Variants in SPART observed in about 807,000 individuals in gnomAD.
SPART encodes spartin, also known as spastic paraplegia 20 (Troyer syndrome).
Under a neutral mutation model 58.7 loss-of-function variants are expected in SPART, and 35 were observed. The observed-to-expected ratio is 0.60, with a 90% CI of 0.46 to 0.79. SPART has a LOEUF of 0.79. SPART is among the 30% of genes least tolerant of loss of function. The pLI is 0.00. For missense variants in SPART, 730 were observed against 786.1 expected, an observed-to-expected ratio of 0.93 and a Z score of 0.85; for synonymous variants, 284 against 280.7, an observed-to-expected ratio of 1.01 and a Z score of -0.12.
chr13:36,345,606 T>A (rs1885024216), intron 1 of SPART: 1 of 152,206 alleles, frequency 6.6e-6, no homozygotes, highest in African/African-American at 2.4e-5. Flanking sequence ...AGTCACGCAA[T>A]AATGCTGCGT....
At position 36,335,891 on chromosome 13, in the gene SPART, T is replaced by A. The variant is rs1242152816; in HGVS notation, c.-2-59A>T. 2.3e-6 allele frequency: 3 copies of A among 1,302,572 alleles called. No homozygotes were observed. The African/African-American group carries it at 4.3e-5, about 19-fold the overall frequency. 80.7% of individuals were successfully genotyped at this position (1,302,572 alleles called of 1,614,324 possible). On this transcript the variant is annotated intron_variant, in intron 1 of 8. Transcript: ENST00000438666. Reference sequence around the variant, plus strand: ...TTAGCTATTGTTTACTTATGATTCGTATCTCCTACCTGAATATATTTTAAG... The same window carrying A: ...TTAGCTATTGTTTACTTATGATTCGAATCTCCTACCTGAATATATTTTAAG...
chr13:36,304,479 C>G lies in SPART; in HGVS notation c.1887G>C (p.Gln629His), dbSNP rs148027828. The part of the protein sequence containing the change: ...QTGHTLLEDY[Q>H]IVDNSQRENQ... The stretch of plus-strand genomic sequence containing the variant: ...TTTCCCTCTGAGAATTATCAACTAT[C>G]TGATAGTCCTCAAGGAGAGTGTGTC... Residue 629 changes from glutamine (Q) to histidine (H), a missense_variant, in exon 9 of 9, where the codon CAG (glutamine) becomes CAC (histidine). Physicochemically the swap from Gln to His is conservative, Grantham distance 24. Transcript: ENST00000438666. 6 of 1,614,022 alleles carry G rather than the reference C, an allele frequency of 3.7e-6. No individual in the cohort carries two copies. The highest frequency in any genetic ancestry group is 5.1e-6 in the Non-Finnish European group (6 of 1,180,022).
At chr13:36,354,035 T>G (rs1386191280) in intron 1 of SPART, among the ~76,000 whole-genome samples, 4 of 152,230 alleles carry the variant, frequency 2.6e-5, no homozygotes, top group African/African-American at 9.6e-5. Context: ...TAGATGACAC[T>G]GGGTTAGATC....
intron 6 of SPART, 122 bp downstream of exon 6, chr13:36,314,105 G>A (rs1466713006): frequency 1.0e-6 from 1 of 1,001,910 alleles, no homozygotes; most frequent in Non-Finnish European, 1.5e-6. Flanking sequence ...AAGAGAAACT[G>A]CTTTGTCCTA....
chr13:36,305,791 T>C (rs1181409344), intron 8 of SPART, among the ~76,000 whole-genome samples: 2 of 151,934 alleles, frequency 1.3e-5, no homozygotes, highest in Non-Finnish European at 2.9e-5. Flanking sequence ...TCCACAGATT[T>C]CCCCCAAATA....
At chr13:36,355,980 G>C (rs1429332105) in intron 1 of SPART, among the ~76,000 whole-genome samples, 1 of 152,176 alleles carries the variant, frequency 6.6e-6, no homozygotes, top group Non-Finnish European at 1.5e-5. Context: ...AAATCCTTTG[G>C]GAAGGCCTGA....
At chr13:36,353,412 T>C (rs1411164668) in intron 1 of SPART, among the ~76,000 whole-genome samples, 3 of 152,182 alleles carry the variant, frequency 2.0e-5, no homozygotes, top group Admixed American at 6.5e-5. Flanking sequence ...CAAATGTCAA[T>C]GCCCTCCAGC....
At position 36,335,530 on chromosome 13, in the gene SPART, T is replaced by A; in HGVS notation, c.301A>T (p.Thr101Ser). 6.2e-7 allele frequency: 1 copy of A among 1,614,162 alleles called. No homozygotes were observed. Among genetic ancestry groups the A allele is most frequent in the Non-Finnish European group, 8.5e-7 (1 of 1,180,018 alleles). The change falls in exon 2 of 9, where the codon ACT becomes TCT. Residue 101 changes from threonine (T) to serine (S), a missense_variant. Coordinates refer to ENST00000438666, the MANE Select transcript of SPART (RefSeq NM_015087.5). ...RLEILEKGLA[T>S]SLQNDLQEVP... ...TCCTGAAGATCATTCTGCAGAGAAG[T>A]GGCAAGACCCTTCTCTAGAATTTCC...
chr13:36,335,846 G>A lies in SPART; in HGVS notation c.-2-14C>T, dbSNP rs527989991. 3 of 1,593,960 alleles carry A rather than the reference G, an allele frequency of 1.9e-6. No homozygotes were observed. The highest frequency in any genetic ancestry group is 2.2e-5 in the East Asian group (1 of 44,786). ...CTTGCTCCATTTCTGCAAAATTGGAGACATATTTAATTATCTTGCTTAGCT... is the reference window on the plus strand; with the variant it reads ...CTTGCTCCATTTCTGCAAAATTGGAAACATATTTAATTATCTTGCTTAGCT... On this transcript the variant is annotated splice_polypyrimidine_tract_variant and intron_variant, in intron 1 of 8. Transcript: ENST00000438666.
intron 8 of SPART, among the ~76,000 whole-genome samples, chr13:36,307,536 T>C (rs1046231433): frequency 1.3e-5 from 2 of 152,064 alleles, no homozygotes; most frequent in African/African-American, 4.8e-5. Context: ...CACAAATATA[T>C]ATTCAAAGAA....
chr13:36,346,794 T>G (rs932879844), upstream of SPART: 1 of 152,356 alleles, frequency 6.6e-6, no homozygotes, highest in Non-Finnish European at 1.5e-5. Context: ...AACCGAGGCC[T>G]CCGGAGAGCC....
chr13:36,312,556 T>G, intron 6 of SPART, 79 bp from the exon 7 acceptor site: 1 of 1,364,836 alleles, frequency 7.3e-7, no homozygotes, highest in Non-Finnish European at 1.0e-6. Flanking sequence ...TGCAACATTC[T>G]TAAATGAACA....
intron 5 of SPART, 39 bp from the exon 6 acceptor site, chr13:36,314,460 C>T (rs745328461): frequency 7.0e-6 from 11 of 1,574,832 alleles, no homozygotes; most frequent in South Asian, 3.3e-5. Context: ...AATATTAGGG[C>T]TAATTATGCT....
At chr13:36,358,987 C>G (rs1032295103) in intron 1 of SPART, among the ~76,000 whole-genome samples, 44 of 152,200 alleles carry the variant, frequency 2.9e-4, no homozygotes, top group African/African-American at 1.0e-3. Flanking sequence ...TTTTATTCAT[C>G]ATTCTATCTC....
intron 6 of SPART, chr13:36,313,973 G>T: frequency 1.9e-6 from 1 of 522,934 alleles, no homozygotes; most frequent in Non-Finnish European, 3.4e-6. Flanking sequence ...ATCACCTAGG[G>T]ATCTTGTGAA....
chr13:36,367,049 G>A (rs932299411), intron 1 of SPART, among the ~76,000 whole-genome samples: 1 of 152,070 alleles, frequency 6.6e-6, no homozygotes, highest in African/African-American at 2.4e-5. Flanking sequence ...GGAAAGATTC[G>A]CCGCCCAAAA....
At chr13:36,341,232 A>G (rs9547364) in intron 1 of SPART, among the ~76,000 whole-genome samples, 52,976 of 152,140 alleles carry the variant, frequency 0.35, 9,873 homozygotes, top group Non-Finnish European at 0.43. Flanking sequence ...CTATTAAAAA[A>G]GTAAATGGAA....
chr13:36,359,742 A>G (rs1276253342), intron 1 of SPART, among the ~76,000 whole-genome samples: 1 of 152,086 alleles, frequency 6.6e-6, no homozygotes, highest in Non-Finnish European at 1.5e-5. Flanking sequence ...TCAGAGTCCA[A>G]ATTCTGGATC....
Position 36,304,508 on chromosome 13 carries a change from T to C in SPART, c.1858A>G (p.Thr620Ala). ...KAMVKKTATQ[T>A]GHTLLEDYQI... ...TAGTCCTCAAGGAGAGTGTGTCCTG[T>C]TTGTGTTGCAGTTTTCTTCACCATT... Residue 620 changes from threonine (T) to alanine (A), a missense_variant, in exon 9 of 9, where the codon ACA (threonine) becomes GCA (alanine). Physicochemically the swap from Thr to Ala is moderately conservative, Grantham distance 58 (BLOSUM62 0). Coordinates refer to ENST00000438666, the MANE Select transcript of SPART (RefSeq NM_015087.5). 1 of 1,614,146 alleles carries C rather than the reference T, an allele frequency of 6.2e-7. No individual in the cohort carries two copies. Among genetic ancestry groups the C allele is most frequent in the Non-Finnish European group, 8.5e-7 (1 of 1,180,012 alleles).
Sources: allele counts gnomAD v4.1 joint callset (sites outside exome capture counted in the v4.1 genomes callset), GRCh38; gene constraint gnomAD v4.1.1; transcripts MANE v1.5; gene names NCBI Gene and HGNC (gene_info 2026-07-23, HGNC 2026-07-21).